The following TULP4 variants were observed in gnomAD, a reference collection of about 807,000 sequenced individuals.
TULP4 encodes tubby-related protein 4.
Under a neutral mutation model 129.0 loss-of-function variants are expected in TULP4, and 16 were observed. That is an observed-to-expected ratio of 0.12 (90% CI 0.08 to 0.19). The LOEUF (loss-of-function observed/expected upper bound fraction) is 0.19. Ranked by LOEUF, TULP4 falls within the 10% of genes least tolerant of loss-of-function variation. The probability of loss-of-function intolerance (pLI) is 1.00; values close to 1 mark genes in which losing one functional copy is unlikely to be tolerated. For missense variants in TULP4, 1,842 were observed against 2,059.1 expected, an observed-to-expected ratio of 0.89 and a Z score of 2.04; for synonymous variants, 998 against 854.0, an observed-to-expected ratio of 1.17 and a Z score of -2.94.
chr6:158,427,525 C>T (rs1428159155), intron 2 of TULP4, among the ~76,000 whole-genome samples: 3 of 94,292 alleles, frequency 3.2e-5, no homozygotes, highest in South Asian at 4.1e-4. Context: ...GACGGAGTCT[C>T]GCTCTGTCGC....
intron 5 of TULP4, among the ~76,000 whole-genome samples, chr6:158,456,553 G>T (rs1779295953): frequency 6.6e-6 from 1 of 152,128 alleles, no homozygotes; most frequent in African/African-American, 2.4e-5. Context: ...AAATGCTCAG[G>T]CCGGGCACGA....
chr6:158,465,440 T>A lies in TULP4; in HGVS notation c.1026+3711T>A, dbSNP rs371421593. Among the ~76,000 whole-genome samples, 59 of 152,362 alleles carry A rather than the reference T, an allele frequency of 3.9e-4. 1 individual carries two copies. In the South Asian group the frequency reaches 0.012, roughly 30 times the overall value. The stretch of plus-strand genomic sequence containing the variant: ...TCTTCCATCTTTCGGCTGTTGTGAA[T>A]AATTCTTCTGTGAACATGGGTGTAC... On this transcript the variant is annotated intron_variant, in intron 6 of 13. Coordinates refer to ENST00000367097, the MANE Select transcript of TULP4 (RefSeq NM_020245.5).
intron 1 of TULP4, among the ~76,000 whole-genome samples, chr6:158,248,770 A>G (rs145448018): frequency 2.5e-4 from 38 of 149,448 alleles, no homozygotes; most frequent in East Asian, 1.2e-3. Context: ...AAGTAAGTAA[A>G]TAAATAAATA....
At chr6:158,425,138 A>G (rs1327345176) in intron 2 of TULP4, among the ~76,000 whole-genome samples, 5 of 109,336 alleles carry the variant, frequency 4.6e-5, no homozygotes, top group Admixed American at 1.3e-4. Flanking sequence ...TGGGTGGCAG[A>G]GTGAGACACC....
At chr6:158,383,564 T>C (rs1777375313) in intron 1 of TULP4, among the ~76,000 whole-genome samples, 1 of 152,212 alleles carries the variant, frequency 6.6e-6, no homozygotes. Context: ...AAATGTGCCC[T>C]TAGGATTCTA....
Position 158,481,027 on chromosome 6 carries a change from CTCTTCATTT to C in TULP4, c.1252-22_1252-14del. ...TCTCTCTGCCTCTCTGGAGTCCCAG[CTCTTCATTT>C]TCTTCCTGTATCCTCCAGCCCCCAA... On this transcript the variant is annotated intron_variant, in intron 7 of 13. Transcript: ENST00000367097. 1 of 1,530,880 alleles carries C rather than the reference CTCTTCATTT, an allele frequency of 6.5e-7. No homozygotes were observed. Among genetic ancestry groups the C allele is most frequent in the Non-Finnish European group, 8.8e-7 (1 of 1,138,084 alleles). The allele number at this position is 1,530,880 out of a possible 1,614,324, so 94.8% of individuals were successfully genotyped here.
rs991695789 is a variant in TULP4 at position 158,336,759 on chromosome 6, A to T, written c.252+22491A>T. ...TTCAGGTAAAGTTAGAATTTCACTT[A>T]GGGACAAAAATGGGAATATAAGTCA... On this transcript the variant is annotated intron_variant, in intron 1 of 13. Transcript: ENST00000367097. 9.2e-5 allele frequency among the ~76,000 whole-genome samples: 14 copies of T among 152,216 alleles called. No individual in the cohort carries two copies. In the East Asian group the frequency reaches 1.2e-3, roughly 13 times the overall value.
chr6:158,445,487 T>C (rs1187558493), intron 3 of TULP4, among the ~76,000 whole-genome samples: 3 of 152,194 alleles, frequency 2.0e-5, no homozygotes, highest in Non-Finnish European at 4.4e-5. Flanking sequence ...ATTGAGTCAC[T>C]GAGTGAATGA....
intron 3 of TULP4, among the ~76,000 whole-genome samples, chr6:158,447,660 G>A (rs1251010513): frequency 2.0e-5 from 3 of 152,148 alleles, no homozygotes; most frequent in East Asian, 1.9e-4. Flanking sequence ...GCTATGGACT[G>A]TCTCTCCCCC....
Position 158,510,160 on chromosome 6 carries a change from T to C in TULP4, c.*3466T>C, listed in dbSNP as rs944504573. 6.6e-6 allele frequency: 1 copy of C among 152,620 alleles called. No individual in the cohort carries two copies. The highest frequency in any genetic ancestry group is 1.5e-5 in the Non-Finnish European group (1 of 68,038). The allele number at this position is 152,620 out of a possible 1,614,324, so 9.5% of individuals were successfully genotyped here. A position where few individuals can be genotyped will look rare whatever the true frequency, so the allele number is the denominator to read the frequency against. ...CAATATACCCATTGAATGTATATCC[T>C]GAGAAAAATTGGGGCCAAAGAAGCA... On this transcript the variant is annotated 3_prime_UTR_variant, in exon 14 of 14. Coordinates refer to ENST00000367097, the MANE Select transcript of TULP4 (RefSeq NM_020245.5).
At chr6:158,271,861 T>C (rs1205186025) in intron 1 of TULP4, among the ~76,000 whole-genome samples, 3 of 152,212 alleles carry the variant, frequency 2.0e-5, no homozygotes, top group East Asian at 1.9e-4. Flanking sequence ...GGGGGAAACA[T>C]TGAAATGCTA....
At chr6:158,459,129 C>T (rs1562575195) in intron 5 of TULP4, among the ~76,000 whole-genome samples, 1 of 152,136 alleles carries the variant, frequency 6.6e-6, no homozygotes, top group Non-Finnish European at 1.5e-5. Flanking sequence ...TAACTTTGCA[C>T]CTGCATTAGA....
intron 1 of TULP4, among the ~76,000 whole-genome samples, chr6:158,346,038 G>A (rs1229180126): frequency 6.6e-6 from 1 of 152,174 alleles, no homozygotes; most frequent in Non-Finnish European, 1.5e-5. Flanking sequence ...CTCTCTTCAA[G>A]AAGAAAAATA....
intron 1 of TULP4, among the ~76,000 whole-genome samples, chr6:158,410,227 G>A (rs958412961): frequency 6.6e-6 from 1 of 152,170 alleles, no homozygotes; most frequent in African/African-American, 2.4e-5. Flanking sequence ...CAACTGTGTT[G>A]TCATAAGACC....
At chr6:158,498,438 CA>C (rs1780376165) in intron 11 of TULP4, among the ~76,000 whole-genome samples, 1 of 152,168 alleles carries the variant, frequency 6.6e-6, no homozygotes. Flanking sequence ...GCAAGGAGGC[CA>C]AGCTAGACCG....
chr6:158,423,921 T>A (rs1778413488), intron 2 of TULP4, among the ~76,000 whole-genome samples: 1 of 152,024 alleles, frequency 6.6e-6, no homozygotes, highest in South Asian at 2.1e-4. Context: ...ATTACAGGTG[T>A]GAGCCACCGC....
intron 8 of TULP4, among the ~76,000 whole-genome samples, chr6:158,486,637 A>C (rs1216585050): frequency 6.6e-6 from 1 of 152,194 alleles, no homozygotes; most frequent in Non-Finnish European, 1.5e-5. Flanking sequence ...AGCGTTCCCC[A>C]GAATCTAATC....
chr6:158,496,494 G>A (rs1419466979), intron 11 of TULP4, among the ~76,000 whole-genome samples: 1 of 152,182 alleles, frequency 6.6e-6, no homozygotes, highest in Admixed American at 6.5e-5. Context: ...AACTGACTTA[G>A]GGAATCACAA....
rs189649407 is a variant in TULP4 at position 158,456,392 on chromosome 6, A to G, written c.859+4124A>G. 4.4e-3 allele frequency among the ~76,000 whole-genome samples: 663 copies of G among 152,332 alleles called. 15 individuals are homozygous for G. The highest frequency in any genetic ancestry group is 3.1e-3 in the Non-Finnish European group (210 of 68,030). ...AATTTGTAAACTTTCTGAAAACATTATGAGATTTTTTGTTTGTTTAAGCTC... is the reference window on the plus strand; with the variant it reads ...AATTTGTAAACTTTCTGAAAACATTGTGAGATTTTTTGTTTGTTTAAGCTC... On this transcript the variant is annotated intron_variant, in intron 5 of 13. Transcript: ENST00000367097.
Sources: gnomAD v4.1 joint callset for allele counts (sites outside exome capture counted in the v4.1 genomes callset) on GRCh38, gnomAD v4.1.1 for gene constraint, MANE v1.5 for transcripts, NCBI Gene and HGNC (gene_info 2026-07-23, HGNC 2026-07-21) for gene names.